FHIT: variants seen among roughly 807,000 people sequenced by gnomAD.
FHIT encodes the protein bis(5'-adenosyl)-triphosphatase.
In FHIT, 19 loss-of-function variants were observed where a neutral mutation model predicts 17.9. The observed-to-expected ratio is 1.06, with a 90% confidence interval of 0.74 to 1.56. The LOEUF is 1.56. Among genes scored for constraint, FHIT ranks in the 40% most tolerant of loss-of-function variants. The probability of loss-of-function intolerance (pLI) is 0.00; values close to 1 mark genes in which losing one functional copy is unlikely to be tolerated. For synonymous variants in FHIT, 81 were observed against 69.7 expected (o/e 1.16, Z -0.81); for missense variants, 248 against 189.2 (o/e 1.31, Z -1.82).
intron 8 of FHIT, among the ~76,000 whole-genome samples, chr3:59,818,209 C>G (rs774119081): frequency 6.6e-6 from 1 of 152,116 alleles, no homozygotes; most frequent in African/African-American, 2.4e-5. Flanking sequence ...TCTAAGTACC[C>G]GGAGCATTCA....
At chr3:60,523,906 G>A (rs757323634) in intron 5 of FHIT, among the ~76,000 whole-genome samples, 1 of 152,118 alleles carries the variant, frequency 6.6e-6, no homozygotes, top group Non-Finnish European at 1.5e-5. Flanking sequence ...ATGTGTGTTA[G>A]GTACATAGAA....
At chr3:60,028,473 A>T (rs1055082711) in intron 5 of FHIT, among the ~76,000 whole-genome samples, 1 of 152,216 alleles carries the variant, frequency 6.6e-6, no homozygotes. Context: ...TCAGTGACTG[A>T]TCACTGCACA....
At chr3:60,298,559 G>A (rs1177400766) in intron 5 of FHIT, among the ~76,000 whole-genome samples, 1 of 152,060 alleles carries the variant, frequency 6.6e-6, no homozygotes, top group Admixed American at 6.6e-5. Context: ...TTTCCCAACC[G>A]TAAAGAAAAG....
intron 4 of FHIT, among the ~76,000 whole-genome samples, chr3:60,554,099 G>GA (rs1002533800): frequency 2.3e-4 from 35 of 150,904 alleles, no homozygotes; most frequent in African/African-American, 7.8e-4. Context: ...CTCAAAAAAA[G>GA]AAAAAAAACG....
chr3:60,939,640 G>A (rs1167687216), intron 3 of FHIT, among the ~76,000 whole-genome samples: 3 of 151,954 alleles, frequency 2.0e-5, no homozygotes, highest in African/African-American at 7.2e-5. Context: ...TAGTATTAAA[G>A]AATACTATTA....
intron 5 of FHIT, among the ~76,000 whole-genome samples, chr3:60,085,685 C>A (rs1217970982): frequency 6.6e-6 from 1 of 152,154 alleles, no homozygotes; most frequent in African/African-American, 2.4e-5. Context: ...AGATACATCT[C>A]CAAAGTCTTC....
At chr3:60,692,737 G>GT (rs2041021912) in intron 4 of FHIT, among the ~76,000 whole-genome samples, 1 of 152,164 alleles carries the variant, frequency 6.6e-6, no homozygotes, top group Admixed American at 6.5e-5. Flanking sequence ...CTCAAAGTTT[G>GT]TGTTAATTTA....
At chr3:60,735,649 A>G (rs1183140539) in intron 4 of FHIT, among the ~76,000 whole-genome samples, 3 of 152,202 alleles carry the variant, frequency 2.0e-5, no homozygotes, top group African/African-American at 7.2e-5. Flanking sequence ...GAAAACTAAG[A>G]GATGATAGAG....
intron 2 of FHIT, among the ~76,000 whole-genome samples, chr3:61,071,444 T>C (rs529075010): frequency 6.6e-6 from 1 of 152,318 alleles, no homozygotes; most frequent in South Asian, 2.1e-4. Context: ...CCTAAAGATA[T>C]ATCATGTGTG....
At chr3:60,995,739 T>C (rs1479352794) in intron 3 of FHIT, among the ~76,000 whole-genome samples, 1 of 152,208 alleles carries the variant, frequency 6.6e-6, no homozygotes, top group Non-Finnish European at 1.5e-5. Flanking sequence ...TCTCAGCTAC[T>C]ACCCATTTTG....
intron 5 of FHIT, among the ~76,000 whole-genome samples, chr3:60,187,288 A>G (rs213424): frequency 0.29 from 43,506 of 152,096 alleles, 7,443 homozygotes; most frequent in Middle Eastern, 0.39. Context: ...CACAAAATAA[A>G]AGTGAGAAAA....
intron 5 of FHIT, among the ~76,000 whole-genome samples, chr3:60,298,963 G>T (rs75504932): frequency 0.011 from 1,747 of 152,184 alleles, 30 homozygotes; most frequent in African/African-American, 0.04. Flanking sequence ...GAGTAATAAA[G>T]TAATCTTCCT....
intron 5 of FHIT, among the ~76,000 whole-genome samples, chr3:60,081,710 G>A (rs889887621): frequency 6.6e-6 from 1 of 152,028 alleles, no homozygotes; most frequent in African/African-American, 2.4e-5. Context: ...AAAACCCCTA[G>A]TTTATTATAG....
intron 5 of FHIT, among the ~76,000 whole-genome samples, chr3:60,170,515 C>A (rs1701370269): frequency 1.3e-5 from 2 of 152,064 alleles, no homozygotes; most frequent in Admixed American, 6.5e-5. Flanking sequence ...CCAAATGGAC[C>A]ATGTTTTGCT....
At chr3:60,982,625 G>A (rs73102222) in intron 3 of FHIT, among the ~76,000 whole-genome samples, 1,895 of 152,240 alleles carry the variant, frequency 0.012, 22 homozygotes, top group Non-Finnish European at 0.018. Context: ...CTGACTAACA[G>A]ATCTCAATGG....
At chr3:60,886,646 G>T (rs183086462) in intron 3 of FHIT, among the ~76,000 whole-genome samples, 66 of 152,294 alleles carry the variant, frequency 4.3e-4, no homozygotes, top group Non-Finnish European at 8.4e-4. Context: ...ACATTCTAGA[G>T]ATTCCTGAAG....
chr3:61,020,611 C>A (rs185755811), intron 3 of FHIT, among the ~76,000 whole-genome samples: 1 of 152,204 alleles, frequency 6.6e-6, no homozygotes. Flanking sequence ...AACTGCATCA[C>A]CTAATGGGAA....
intron 4 of FHIT, among the ~76,000 whole-genome samples, chr3:60,578,185 T>A (rs1489527659): frequency 6.6e-6 from 1 of 152,096 alleles, no homozygotes; most frequent in Non-Finnish European, 1.5e-5. Flanking sequence ...ACACCTGTAA[T>A]CCCAGCACTT....
intron 4 of FHIT, among the ~76,000 whole-genome samples, chr3:60,570,735 A>C (rs905018591): frequency 3.1e-4 from 21 of 68,340 alleles, no homozygotes; most frequent in Admixed American, 1.2e-3. Flanking sequence ...ACATTAAAAA[A>C]TTAAAAAAAA....
Sources: allele counts gnomAD v4.1 joint callset (sites outside exome capture counted in the v4.1 genomes callset), GRCh38; gene constraint gnomAD v4.1.1; transcripts MANE v1.5; gene names NCBI Gene and HGNC (gene_info 2026-07-23, HGNC 2026-07-21).